The following TNS3 variants were observed in gnomAD, a reference collection of about 807,000 sequenced individuals.
TNS3 encodes the protein tensin 3, also known as tensin-3.
Under a neutral mutation model 140.9 loss-of-function variants are expected in TNS3, and 45 were observed. That is an observed-to-expected ratio of 0.32 (90% CI 0.25 to 0.41). TNS3 has a LOEUF of 0.41. TNS3 is among the 10% of genes least tolerant of loss of function. TNS3 has a pLI of 1.00. For synonymous variants in TNS3, 815 were observed against 788.4 expected, an observed-to-expected ratio of 1.03 and a Z score of -0.56; for missense variants, 1,716 against 1,906.7, an observed-to-expected ratio of 0.90 and a Z score of 1.86.
At chr7:47,547,836 G>A (rs574593681) in intron 1 of TNS3, among the ~76,000 whole-genome samples, 9 of 152,166 alleles carry the variant, frequency 5.9e-5, no homozygotes, top group African/African-American at 1.4e-4. Context: ...CATGTGCATC[G>A]CTGCCAGGTG....
chr7:47,554,160 T>C (rs995423984), intron 1 of TNS3, among the ~76,000 whole-genome samples: 2 of 150,230 alleles, frequency 1.3e-5, no homozygotes, highest in Non-Finnish European at 3.0e-5. Flanking sequence ...GGCTCACACC[T>C]GTAATCCCAG....
intron 16 of TNS3, among the ~76,000 whole-genome samples, chr7:47,391,648 T>TCCC (rs2151296855): frequency 6.6e-6 from 1 of 152,312 alleles, no homozygotes; most frequent in East Asian, 1.9e-4. Context: ...GTCCAGAGCT[T>TCCC]TGCAGAGCCT....
intron 24 of TNS3, among the ~76,000 whole-genome samples, chr7:47,295,330 C>T (rs1474372187): frequency 6.6e-5 from 10 of 152,188 alleles, no homozygotes; most frequent in East Asian, 3.9e-4. Context: ...AAACTTTACA[C>T]GGAAACGAAG....
At chr7:47,511,102 A>T (rs141073448) in intron 2 of TNS3, among the ~76,000 whole-genome samples, 1 of 152,230 alleles carries the variant, frequency 6.6e-6, no homozygotes, top group Non-Finnish European at 1.5e-5. Flanking sequence ...AGGCCAGTGG[A>T]TTTTAATAAA....
chr7:47,513,491 T>A (rs940341492), intron 2 of TNS3, among the ~76,000 whole-genome samples: 5 of 152,222 alleles, frequency 3.3e-5, no homozygotes, highest in Admixed American at 6.5e-5. Flanking sequence ...AATTTTTAAA[T>A]AAGCAATGAA....
At position 47,481,098 on chromosome 7, in the gene TNS3, C is replaced by T. The variant is rs916844188; in HGVS notation, c.-76+5G>A. 2.3e-6 allele frequency: 3 copies of T among 1,289,704 alleles called. No homozygotes were observed. Among genetic ancestry groups the T allele is most frequent in the African/African-American group, 1.5e-5 (1 of 65,864 alleles). 79.9% of individuals were successfully genotyped at this position (1,289,704 alleles called of 1,614,324 possible). A position where few individuals can be genotyped will look rare whatever the true frequency, so the allele number is the denominator to read the frequency against. On this transcript the variant is annotated splice_donor_5th_base_variant and intron_variant, in intron 4 of 30. Coordinates refer to ENST00000311160, the MANE Select transcript of TNS3 (RefSeq NM_022748.12). ...AAGGGAGCCAAAGAAATGCAAAGGGCTTACCTGTTCCAGTCGGACTTGCAC... is the reference window on the plus strand; with the variant it reads ...AAGGGAGCCAAAGAAATGCAAAGGGTTTACCTGTTCCAGTCGGACTTGCAC...
At chr7:47,380,256 C>T (rs1332571663) in intron 16 of TNS3, among the ~76,000 whole-genome samples, 1 of 152,276 alleles carries the variant, frequency 6.6e-6, no homozygotes, top group Non-Finnish European at 1.5e-5. Flanking sequence ...CACGCCGGTG[C>T]AGGCTCAGCA....
chr7:47,463,590 GCACTA>G (rs767723342), intron 4 of TNS3, among the ~76,000 whole-genome samples: 2 of 152,186 alleles, frequency 1.3e-5, no homozygotes, highest in Non-Finnish European at 2.9e-5. Context: ...CATCACATCA[GCACTA>G]CACTTGCATT....
chr7:47,486,663 C>A (rs1371608402), intron 3 of TNS3, among the ~76,000 whole-genome samples: 1 of 152,180 alleles, frequency 6.6e-6, no homozygotes, highest in Admixed American at 6.5e-5. Context: ...TCTGGGAGAT[C>A]CAAGTCCTGG....
At position 47,303,292 on chromosome 7, in the gene TNS3, C is replaced by T. The variant is rs368126646; in HGVS notation, c.3115G>A (p.Ala1039Thr). Reference sequence around the variant, plus strand: ...GCTCCATGAGAATTGGCCAGCAAGGCCCCCAGGTCCTCCTCGGGCGGAAGG... The same window carrying T: ...GCTCCATGAGAATTGGCCAGCAAGGTCCCCAGGTCCTCCTCGGGCGGAAGG... ...SGLPPEEDLG[A>T]LLANSHGASP... is the part of the protein sequence containing the mutation. The change falls in exon 22 of 31, where the codon GCC becomes ACC. Residue 1039 changes from alanine (A) to threonine (T), a missense_variant. Around this residue, in one of 3 missense-constraint regions of TNS3, gnomAD observed 1,163 missense variants for 1,182.1 expected, o/e 0.98. Coordinates refer to ENST00000311160, the MANE Select transcript of TNS3 (RefSeq NM_022748.12). 3.1e-6 allele frequency: 5 copies of T among 1,613,346 alleles called. No homozygotes were observed. The highest frequency in any genetic ancestry group is 2.7e-5 in the African/African-American group (2 of 74,938).
At chr7:47,305,279 T>C (rs2150729424) in intron 20 of TNS3, among the ~76,000 whole-genome samples, 1 of 152,358 alleles carries the variant, frequency 6.6e-6, no homozygotes, top group East Asian at 1.9e-4. Context: ...TACCACGAGC[T>C]GGTCATGTGA....
chr7:47,400,764 G>A (rs1207953485), intron 14 of TNS3, 21 bp downstream of exon 14: 1 of 1,612,512 alleles, frequency 6.2e-7, no homozygotes, highest in Non-Finnish European at 8.5e-7. Context: ...CAAGCACAGG[G>A]CCGCCAGCTC....
At chr7:47,379,823 T>C (rs917521293) in intron 16 of TNS3, among the ~76,000 whole-genome samples, 5 of 152,196 alleles carry the variant, frequency 3.3e-5, no homozygotes, top group African/African-American at 9.7e-5. Context: ...CCAGGACACC[T>C]TGCTGAGACT....
intron 10 of TNS3, among the ~76,000 whole-genome samples, chr7:47,420,375 T>C (rs916304967): frequency 2.0e-5 from 3 of 152,158 alleles, no homozygotes; most frequent in African/African-American, 7.2e-5. Flanking sequence ...CCACGCCTAT[T>C]GCACTGTTAA....
At position 47,369,138 on chromosome 7, in the gene TNS3, T is replaced by A. The variant is rs776663402; in HGVS notation, c.1508A>T (p.Gln503Leu). The A allele has an allele frequency of 6.2e-7, 1 of 1,613,988 alleles. No homozygotes were observed. The highest frequency in any genetic ancestry group is 8.5e-7 in the Non-Finnish European group (1 of 1,180,034). The change falls in exon 17 of 31, where the codon CAG (glutamine) becomes CTG (leucine). Residue 503 changes from glutamine to leucine, a missense_variant. This residue lies in a region of TNS3 where 1,163 missense variants were observed against 1,182.1 expected (regional missense o/e 0.98). Transcript: ENST00000311160. ...LGTLSSSEGP[Q>L]SAHLGPFTCH... ...GGTGAAGGGACCCAGGTGGGCCGAC[T>A]GAGGCCCTTCCGAGGAGGACAGGGT...
At chr7:47,534,283 G>C (rs999410203) in intron 1 of TNS3, among the ~76,000 whole-genome samples, 1 of 151,660 alleles carries the variant, frequency 6.6e-6, no homozygotes, top group Non-Finnish European at 1.5e-5. Flanking sequence ...TCAAAAAAAA[G>C]AAAAAATAAA....
intron 20 of TNS3, among the ~76,000 whole-genome samples, chr7:47,342,912 A>T (rs1042930931): frequency 1.3e-5 from 2 of 152,220 alleles, no homozygotes; most frequent in African/African-American, 4.8e-5. Context: ...ACACTGTCTG[A>T]TGAAAGCATC....
intron 20 of TNS3, among the ~76,000 whole-genome samples, chr7:47,318,751 T>C (rs1042343504): frequency 1.3e-5 from 2 of 152,152 alleles, no homozygotes; most frequent in Non-Finnish European, 2.9e-5. Context: ...CCATAATGTA[T>C]ACACCACGTC....
intron 24 of TNS3, among the ~76,000 whole-genome samples, chr7:47,296,243 A>C (rs981245578): frequency 3.9e-5 from 6 of 152,246 alleles, no homozygotes; most frequent in African/African-American, 1.4e-4. Flanking sequence ...GATTTTCATA[A>C]GATAGAAAGC....
Sources: allele counts gnomAD v4.1 joint callset (sites outside exome capture counted in the v4.1 genomes callset), GRCh38; gene constraint gnomAD v4.1.1; regional missense constraint gnomAD v4.1.1; transcripts MANE v1.5; gene names NCBI Gene and HGNC (gene_info 2026-07-23, HGNC 2026-07-21).